Variants in ERAL1 observed in about 807,000 individuals in gnomAD.
ERAL1 encodes the protein Era like 12S mitochondrial rRNA chaperone 1.
Under a neutral mutation model 53.6 loss-of-function variants are expected in ERAL1, and 36 were observed. The observed-to-expected ratio is 0.67, with a 90% CI of 0.51 to 0.89. ERAL1 has a LOEUF of 0.89. ERAL1 is among the 40% of genes least tolerant of loss of function. ERAL1 has a pLI of 0.00. For missense variants in ERAL1, 512 were observed against 537.5 expected, an observed-to-expected ratio of 0.95 and a Z score of 0.47; for synonymous variants, 215 against 211.8, an observed-to-expected ratio of 1.02 and a Z score of -0.13.
rs778225761 is a variant in ERAL1 at position 28,855,106 on chromosome 17, T to A, written c.72T>A (p.His24Gln). 5 of 1,614,230 alleles carry A rather than the reference T, an allele frequency of 3.1e-6. No individual in the cohort carries two copies. The South Asian group carries it at 4.4e-5, about 14-fold the overall frequency. Residue 24 changes from histidine to glutamine, a missense_variant, in exon 1 of 10, where the codon CAT becomes CAA. His to Gln is a conservative substitution (Grantham distance 24). Transcript: ENST00000254928. ...TAAGAGTCTGGCAGGTGGGCCCTCA[T>A]GTCGCGAGGGAGCGGGTGATCCCTT... Reference protein sequence around the residue: ...SVLRVWQVGPHVARERVIPFS... With the variant: ...SVLRVWQVGPQVARERVIPFS...
At position 28,855,102 on chromosome 17, in the gene ERAL1, C is replaced by G; in HGVS notation, c.68C>G (p.Pro23Arg). Reference protein sequence around the residue: ...QSVLRVWQVGPHVARERVIPF... With the variant: ...QSVLRVWQVGRHVARERVIPF... ...GTGTTAAGAGTCTGGCAGGTGGGCCCTCATGTCGCGAGGGAGCGGGTGATC... is the reference window on the plus strand; with the variant it reads ...GTGTTAAGAGTCTGGCAGGTGGGCCGTCATGTCGCGAGGGAGCGGGTGATC... Residue 23 changes from proline (P) to arginine (R), a missense_variant, in exon 1 of 10, where the codon CCT becomes CGT. Coordinates refer to ENST00000254928, the MANE Select transcript of ERAL1 (RefSeq NM_005702.4). The G allele has an allele frequency of 1.2e-6, 2 of 1,614,222 alleles. No homozygotes were observed. The highest frequency in any genetic ancestry group is 1.6e-4 in the Middle Eastern group (1 of 6,062).
intron 3 of ERAL1, among the ~76,000 whole-genome samples, chr17:28,857,606 A>G (rs2039259224): frequency 1.3e-5 from 2 of 150,888 alleles, no homozygotes; most frequent in South Asian, 2.2e-4. Flanking sequence ...CCTGGCCAAC[A>G]TGGTGAAACC....
intron 3 of ERAL1, 149 bp from the exon 4 acceptor site, chr17:28,857,790 T>C (rs2039260672): frequency 4.8e-6 from 4 of 841,324 alleles, no homozygotes; most frequent in Non-Finnish European, 7.6e-6. Context: ...AGACTCCGTC[T>C]CAGAAAAAAA....
In ERAL1 at chr17:28,860,471, T is replaced by C; in HGVS notation, c.1232T>C (p.Ile411Thr). The change falls in exon 10 of 10, where the codon ATA (isoleucine) becomes ACA (threonine). Residue 411 changes from isoleucine to threonine, a missense_variant. By Grantham distance (89) the Ile-to-Thr change is moderately conservative. Coordinates refer to ENST00000254928, the MANE Select transcript of ERAL1 (RefSeq NM_005702.4). Reference protein sequence around the residue: ...IGPKGHVISQIAQEAGHDLMD... With the variant: ...IGPKGHVISQTAQEAGHDLMD... ...CCGAAGGGCCACGTGATCTCCCAGA[T>C]AGCACAGGAGGCAGGCCATGACCTC... The C allele has an allele frequency of 6.2e-7, 1 of 1,611,112 alleles. No individual in the cohort carries two copies. Among genetic ancestry groups the C allele is most frequent in the Non-Finnish European group, 8.5e-7 (1 of 1,178,846 alleles).
rs139024598 is a variant in ERAL1 at position 28,858,151 on chromosome 17, A to G, written c.542A>G (p.His181Arg). The G allele has an allele frequency of 2.1e-4, 331 of 1,614,074 alleles. No individual in the cohort carries two copies. In the African/African-American group the frequency reaches 3.7e-3, roughly 18 times the overall value. The stretch of plus-strand genomic sequence containing the variant: ...GATGTATGTCTGTCCCTCAGGCATC[A>G]CCTGGAGCTCTCTTTGTTGGAAGAT... ...IISPGKQKRHHLELSLLEDPW... is the reference protein window; with the variant it reads ...IISPGKQKRHRLELSLLEDPW... The change falls in exon 5 of 10, where the codon CAC (histidine) becomes CGC (arginine). Residue 181 changes from histidine to arginine, a missense_variant. Transcript: ENST00000254928.
In ERAL1 at chr17:28,858,583, G is replaced by A; in HGVS notation, c.719G>A (p.Cys240Tyr). ...PSVLVMNKVD[C>Y]LKQKSVLLEL... ...CCCATCCCCCATGTCCAGGTAGATT[G>A]TTTGAAGCAGAAGTCAGTTCTCCTG... Residue 240 changes from cysteine to tyrosine, a missense_variant, in exon 7 of 10, where the codon TGT becomes TAT. Transcript: ENST00000254928. 1 of 1,614,190 alleles carries A rather than the reference G, an allele frequency of 6.2e-7. No individual in the cohort carries two copies. The highest frequency in any genetic ancestry group is 8.5e-7 in the Non-Finnish European group (1 of 1,180,046).
At position 28,856,595 on chromosome 17, in the gene ERAL1, A is replaced by G; in HGVS notation, c.489+13A>G. 1 of 1,613,400 alleles carries G rather than the reference A, an allele frequency of 6.2e-7. No individual in the cohort carries two copies. The highest frequency in any genetic ancestry group is 8.5e-7 in the Non-Finnish European group (1 of 1,179,468). ...GGAGACCCAGGTGGTGGGTACCTAC[A>G]AAGGGAGTCCTTGAAACAGGACAGA... On this transcript the variant is annotated intron_variant, in intron 3 of 9. Coordinates refer to ENST00000254928, the MANE Select transcript of ERAL1 (RefSeq NM_005702.4).
Position 28,855,154 on chromosome 17 carries a change from A to G in ERAL1, c.120A>G (p.Gln40=), listed in dbSNP as rs1212470145. Reference sequence around the variant, plus strand: ...CTTTTTCCTCACTCTTAGGCTTCCAACGGAGGTGCGTGTCCTGCGTCGCGG... The same window carrying G: ...CTTTTTCCTCACTCTTAGGCTTCCAGCGGAGGTGCGTGTCCTGCGTCGCGG... ...VIPFSSLLGF[Q]RRCVSCVAGS... The change falls in exon 1 of 10, where the codon CAA becomes CAG. Residue 40 remains glutamine, a synonymous_variant. Coordinates refer to ENST00000254928, the MANE Select transcript of ERAL1 (RefSeq NM_005702.4). 5 of 1,614,182 alleles carry G rather than the reference A, an allele frequency of 3.1e-6. No homozygotes were observed. The highest frequency in any genetic ancestry group is 2.7e-5 in the African/African-American group (2 of 75,024).
In ERAL1 at chr17:28,860,457, C is replaced by T. The variant is rs756952794; in HGVS notation, c.1218C>T (p.His406=). The T allele has an allele frequency of 8.1e-6, 13 of 1,611,234 alleles. No individual in the cohort carries two copies. The highest frequency in any genetic ancestry group is 1.6e-4 in the Middle Eastern group (1 of 6,072). The part of the protein sequence containing the change: ...YVKLLIGPKG[H]VISQIAQEAG... Reference sequence around the variant, plus strand: ...AACTCCTGATTGGTCCGAAGGGCCACGTGATCTCCCAGATAGCACAGGAGG... The same window carrying T: ...AACTCCTGATTGGTCCGAAGGGCCATGTGATCTCCCAGATAGCACAGGAGG... Residue 406 remains histidine (H), a synonymous_variant, in exon 10 of 10, where the codon CAC becomes CAT. Transcript: ENST00000254928.
intron 5 of ERAL1, 38 bp downstream of exon 5, chr17:28,858,245 G>A: frequency 1.2e-6 from 2 of 1,612,624 alleles, no homozygotes; most frequent in Non-Finnish European, 1.7e-6. Context: ...CCAGTTTACA[G>A]GGGTCATGGC....
chr17:28,860,304 G>C, intron 9 of ERAL1, 127 bp from the exon 10 acceptor site: 2 of 1,060,646 alleles, frequency 1.9e-6, no homozygotes, highest in Admixed American at 2.7e-5. Flanking sequence ...AAGAGGGGTC[G>C]CACTGTTACC....
intron 3 of ERAL1, 112 bp downstream of exon 3, chr17:28,856,694 A>G: frequency 1.1e-6 from 1 of 929,704 alleles, no homozygotes; most frequent in Non-Finnish European, 1.7e-6. Context: ...ATGTGAGGAA[A>G]GGGGGTTTCT....
chr17:28,856,154 C>T (rs1454690152), intron 1 of ERAL1, 110 bp from the exon 2 acceptor site: 2 of 1,366,334 alleles, frequency 1.5e-6, no homozygotes, highest in Non-Finnish European at 2.0e-6. Flanking sequence ...TGACTTCAAC[C>T]TGGTGCACTA....
chr17:28,855,927 C>T (rs1225151579), intron 1 of ERAL1, among the ~76,000 whole-genome samples: 1 of 152,022 alleles, frequency 6.6e-6, no homozygotes, highest in African/African-American at 2.4e-5. Flanking sequence ...ACTTCTCAGG[C>T]ACAGCTATAC....
In ERAL1 at chr17:28,859,117, CAG is replaced by C. The variant is rs757303033; in HGVS notation, c.1110+7_1110+8del. 8.1e-6 allele frequency: 13 copies of C among 1,614,182 alleles called. No individual in the cohort carries two copies. The highest frequency in any genetic ancestry group is 1.1e-5 in the Non-Finnish European group (13 of 1,180,016). ...GGTGCCTTACAATGTACAGCAGGTACAGAGTGAAGGGTTCTGGGGGCTCTCTA... is the reference window on the plus strand; with the variant it reads ...GGTGCCTTACAATGTACAGCAGGTACAGTGAAGGGTTCTGGGGGCTCTCTA... On this transcript the variant is annotated splice_donor_5th_base_variant and intron_variant, in intron 8 of 9. Transcript: ENST00000254928.
chr17:28,857,862 C>A (rs74603444), intron 3 of ERAL1, 77 bp from the exon 4 acceptor site: 1 of 1,498,738 alleles, frequency 6.7e-7, no homozygotes, highest in Non-Finnish European at 9.3e-7. Context: ...CTCCTGACAT[C>A]ACAGGTAGCC....
At position 28,856,323 on chromosome 17, in the gene ERAL1, C is replaced by A. The variant is rs748158637; in HGVS notation, c.343C>A (p.Arg115=). 1.2e-6 allele frequency: 2 copies of A among 1,614,154 alleles called. No homozygotes were observed. Among genetic ancestry groups the A allele is most frequent in the East Asian group, 2.2e-5 (1 of 44,890 alleles). Residue 115 remains arginine, a synonymous_variant, in exon 2 of 10, where the codon CGA becomes AGA. Coordinates refer to ENST00000254928, the MANE Select transcript of ERAL1 (RefSeq NM_005702.4). ...TATGCCTGAGAATTCCCGGGTCCTA[C>A]GAGTGGTCCTCCTGGGAGCCCCGAA... ...PDMPENSRVL[R]VVLLGAPNAG...
rs2039276665 is a variant in ERAL1 at position 28,859,093 on chromosome 17, G to T, written c.1090G>T (p.Val364Leu). 2 of 1,614,062 alleles carry T rather than the reference G, an allele frequency of 1.2e-6. No individual in the cohort carries two copies. Among genetic ancestry groups the T allele is most frequent in the African/African-American group, 1.3e-5 (1 of 74,934 alleles). ...GCTCCTAGAACACCTGCCCCAGGAG[G>T]TGCCTTACAATGTACAGCAGGTACA... ...EKLLEHLPQE[V>L]PYNVQQKTAV... The change falls in exon 8 of 10, where the codon GTG becomes TTG. Residue 364 changes from valine to leucine, a missense_variant. By Grantham distance (32) the Val-to-Leu change is conservative. Transcript: ENST00000254928.
chr17:28,856,162 C>G, intron 1 of ERAL1, 102 bp from the exon 2 acceptor site: 1 of 1,460,048 alleles, frequency 6.8e-7, no homozygotes, highest in Non-Finnish European at 9.4e-7. Flanking sequence ...ACCTGGTGCA[C>G]TAATTTTGTA....
Sources: gnomAD v4.1 joint callset for allele counts (sites outside exome capture counted in the v4.1 genomes callset) on GRCh38, gnomAD v4.1.1 for gene constraint, MANE v1.5 for transcripts, NCBI Gene and HGNC (gene_info 2026-07-23, HGNC 2026-07-21) for gene names.